PRMT1: variants seen among roughly 807,000 people sequenced by gnomAD.
PRMT1 encodes the protein protein arginine N-methyltransferase 1.
PRMT1 carries 5 observed loss-of-function variants against 47.4 expected under a neutral mutation model. The observed-to-expected ratio is 0.11, with a 90% CI of 0.06 to 0.22. The LOEUF (loss-of-function observed/expected upper bound fraction) is 0.22, where lower values mean the gene tolerates loss of function less well. Ranked by LOEUF, PRMT1 falls within the 10% of genes least tolerant of loss-of-function variation. The probability of loss-of-function intolerance (pLI) is 1.00; values close to 1 mark genes in which losing one functional copy is unlikely to be tolerated. For missense variants in PRMT1, 249 were observed against 518.4 expected (o/e 0.48, Z 5.05); for synonymous variants, 227 against 204.6 (o/e 1.11, Z -0.94).
In PRMT1 at chr19:49,685,806, G is replaced by A; in HGVS notation, c.760-287G>A. Reference sequence around the variant, plus strand: ...GTCAAGGGGTTGGGGAGACAGTGGAGTGGGGCGCCTGCATTCTAGGAGGTC... The same window carrying A: ...GTCAAGGGGTTGGGGAGACAGTGGAATGGGGCGCCTGCATTCTAGGAGGTC... On this transcript the variant is annotated intron_variant, in intron 8 of 10. Transcript: ENST00000454376. The surrounding 1 kb of genome is among the most constrained non-coding windows in gnomAD (Gnocchi z 4.7). The A allele has an allele frequency of 4.0e-6, 5 of 1,241,238 alleles. No homozygotes were observed. Among genetic ancestry groups the A allele is most frequent in the Non-Finnish European group, 5.1e-6 (5 of 986,154 alleles). The allele number at this position is 1,241,238 out of a possible 1,614,324, so 76.9% of individuals were successfully genotyped here.
intron 5 of PRMT1, chr19:49,683,703 A>T (rs1357348105): frequency 4.1e-6 from 2 of 487,144 alleles, no homozygotes; most frequent in Non-Finnish European, 7.3e-6. Context: ...AAAAAAAAAA[A>T]AAAAAGTAAC....
Position 49,685,201 on chromosome 19 carries a change from C to T in PRMT1, c.759+164C>T, listed in dbSNP as rs1047742874. On this transcript the variant is annotated intron_variant, in intron 8 of 10. Transcript: ENST00000454376. This position sits in a 1 kb window ranked among gnomAD's most constrained non-coding sequence, Gnocchi z 4.7. Reference sequence around the variant, plus strand: ...AGAGGCCCAGGAAAGACACTTCGTCCTTTAAATATCTTTGTGAGCGCTGCT... The same window carrying T: ...AGAGGCCCAGGAAAGACACTTCGTCTTTTAAATATCTTTGTGAGCGCTGCT... 3.2e-5 allele frequency: 49 copies of T among 1,533,090 alleles called. No homozygotes were observed. The highest frequency in any genetic ancestry group is 4.2e-5 in the Non-Finnish European group (48 of 1,144,320). The allele number at this position is 1,533,090 out of a possible 1,614,324, so 95.0% of individuals were successfully genotyped here. A position where few individuals can be genotyped will look rare whatever the true frequency, so the allele number is the denominator to read the frequency against.
rs71353323 is a variant in PRMT1, at chr19:49,688,250, C to T, written c.*5C>T. The T allele has an allele frequency of 2.1e-3, 3,357 of 1,613,490 alleles. 25 individuals carry two copies. The Middle Eastern group carries it at 0.034, about 16-fold the overall frequency. On this transcript the variant is annotated 3_prime_UTR_variant, in exon 11 of 11. Coordinates refer to ENST00000454376, the MANE Select transcript of PRMT1 (RefSeq NM_001536.6). This position sits in a 1 kb window ranked among gnomAD's most constrained non-coding sequence, Gnocchi z 5.3. Reference sequence around the variant, plus strand: ...ACCGACTACCGGATGCGCTGAGGCCCGGCTCTCCCGCCCTGCACGAGCCCA... The same window carrying T: ...ACCGACTACCGGATGCGCTGAGGCCTGGCTCTCCCGCCCTGCACGAGCCCA...
At chr19:49,687,389 C>T (rs2123018274) in intron 10 of PRMT1, among the ~76,000 whole-genome samples, 1 of 152,048 alleles carries the variant, frequency 6.6e-6, no homozygotes, top group Non-Finnish European at 1.5e-5. Context: ...AAAGTGGGTC[C>T]CGGCCGATGG....
chr19:49,678,880 C>A (rs754511232), intron 1 of PRMT1, among the ~76,000 whole-genome samples: 3 of 148,402 alleles, frequency 2.0e-5, no homozygotes, highest in Middle Eastern at 3.5e-3. Context: ...CTCCCCAAGC[C>A]ACTTTTTTTT....
chr19:49,677,613 G>C (rs1424666281), intron 1 of PRMT1: 1 of 323,614 alleles, frequency 3.1e-6, no homozygotes, highest in African/African-American at 2.1e-5. Context: ...TGGGGAGGGG[G>C]TGTGCCGAGT....
chr19:49,684,722 C>T lies in PRMT1; in HGVS notation c.556-32C>T, dbSNP rs369898479. The T allele has an allele frequency of 1.6e-5, 24 of 1,545,064 alleles. No individual in the cohort carries two copies. The highest frequency in any genetic ancestry group is 2.0e-5 in the Non-Finnish European group (23 of 1,143,200). ...GACTCAGGGTAGTGTTGCCAGGCCC[C>T]ACCCTTCATGCCTCGCCCTGCCCCT... On this transcript the variant is annotated intron_variant, in intron 6 of 10. Coordinates refer to ENST00000454376, the MANE Select transcript of PRMT1 (RefSeq NM_001536.6). This position sits in a 1 kb window ranked among gnomAD's most constrained non-coding sequence, Gnocchi z 6.2.
At position 49,681,063 on chromosome 19, in the gene PRMT1, AT is replaced by A. The variant is rs915477148; in HGVS notation, c.192+480del. Among the ~76,000 whole-genome samples, 29 of 152,256 alleles carry A rather than the reference AT, an allele frequency of 1.9e-4. No homozygotes were observed. Among genetic ancestry groups the A allele is most frequent in the African/African-American group, 6.5e-4 (27 of 41,560 alleles). ...AATATGCATAAAATTGCCATTTTTT[AT>A]TTTTAGAGACGGTCTCGCTCTGTCG... On this transcript the variant is annotated intron_variant, in intron 3 of 10. Coordinates refer to ENST00000454376, the MANE Select transcript of PRMT1 (RefSeq NM_001536.6). The surrounding 1 kb of genome is among the most constrained non-coding windows in gnomAD (Gnocchi z 4.4).
At chr19:49,683,786 A>T in intron 5 of PRMT1, 141 bp from the exon 6 acceptor site, 1 of 927,850 alleles carries the variant, frequency 1.1e-6, no homozygotes, top group Non-Finnish European at 1.6e-6. Flanking sequence ...TATGAATTTT[A>T]AAACTGTTAG....
chr19:49,684,860 C>T lies in PRMT1; in HGVS notation c.643+19C>T. ...ATCCACTGTGAGCGCGGCCCGGGAG[C>T]TGGCGGGCGGGGCCTCGGGTGGGCT... On this transcript the variant is annotated intron_variant, in intron 7 of 10. Coordinates refer to ENST00000454376, the MANE Select transcript of PRMT1 (RefSeq NM_001536.6). The surrounding 1 kb of genome is among the most constrained non-coding windows in gnomAD (Gnocchi z 6.2). 1 of 1,611,840 alleles carries T rather than the reference C, an allele frequency of 6.2e-7. No individual in the cohort carries two copies. Among genetic ancestry groups the T allele is most frequent in the Non-Finnish European group, 8.5e-7 (1 of 1,178,590 alleles).
rs1420779129 is a variant in PRMT1, at chr19:49,680,844, G to A, written c.192+256G>A. On this transcript the variant is annotated intron_variant, in intron 3 of 10. Coordinates refer to ENST00000454376, the MANE Select transcript of PRMT1 (RefSeq NM_001536.6). The surrounding 1 kb of genome is among the most constrained non-coding windows in gnomAD (Gnocchi z 4.2). The stretch of plus-strand genomic sequence containing the variant: ...ATGCGTGCCTGGGGCCTTAGCCAGA[G>A]GTCGGGCAGGGCCCACTGGTCTCTG... Among the ~76,000 whole-genome samples, 1 of 152,236 alleles carries A rather than the reference G, an allele frequency of 6.6e-6. No individual in the cohort carries two copies. The highest frequency in any genetic ancestry group is 1.5e-5 in the Non-Finnish European group (1 of 68,034).
chr19:49,680,155 C>T lies in PRMT1; in HGVS notation c.90+230C>T. Reference sequence around the variant, plus strand: ...CACCTCCAACCCCCCTTTGCCCTTCCCTGTGTCTGCCCCCATTTTCCTTCC... The same window carrying T: ...CACCTCCAACCCCCCTTTGCCCTTCTCTGTGTCTGCCCCCATTTTCCTTCC... On this transcript the variant is annotated intron_variant, in intron 2 of 10. Coordinates refer to ENST00000454376, the MANE Select transcript of PRMT1 (RefSeq NM_001536.6). This position sits in a 1 kb window ranked among gnomAD's most constrained non-coding sequence, Gnocchi z 4.2. The T allele has an allele frequency of 6.5e-7, 1 of 1,532,464 alleles. No individual in the cohort carries two copies. Among genetic ancestry groups the T allele is most frequent in the Non-Finnish European group, 8.9e-7 (1 of 1,122,486 alleles). The allele number at this position is 1,532,464 out of a possible 1,614,324, so 94.9% of individuals were successfully genotyped here.
chr19:49,677,927 G>T (rs895582606), intron 1 of PRMT1, among the ~76,000 whole-genome samples: 6 of 152,126 alleles, frequency 3.9e-5, no homozygotes, highest in African/African-American at 1.2e-4. Context: ...CCAAGAATGG[G>T]GTCCCCCGCC....
Position 49,688,083 on chromosome 19 carries a change from G to A in PRMT1, c.1033-79G>A, listed in dbSNP as rs1055810587. On this transcript the variant is annotated intron_variant, in intron 10 of 10. Coordinates refer to ENST00000454376, the MANE Select transcript of PRMT1 (RefSeq NM_001536.6). The surrounding 1 kb of genome is among the most constrained non-coding windows in gnomAD (Gnocchi z 5.3). The stretch of plus-strand genomic sequence containing the variant: ...GCAGGAAGCTGGAGCCCGGCTCATC[G>A]TCGCATAGCCTGCCTGCACCCGCCC... 20 of 1,261,260 alleles carry A rather than the reference G, an allele frequency of 1.6e-5. 1 individual carries two copies. The highest frequency in any genetic ancestry group is 5.0e-5 in the Admixed American group (3 of 59,450). 78.1% of individuals were successfully genotyped at this position (1,261,260 alleles called of 1,614,324 possible).
At position 49,678,874 on chromosome 19, in the gene PRMT1, C is replaced by T. The variant is rs147629426; in HGVS notation, c.37-998C>T. Among the ~76,000 whole-genome samples, 53 of 151,106 alleles carry T rather than the reference C, an allele frequency of 3.5e-4. No individual in the cohort carries two copies. The East Asian group carries it at 1.0e-2, about 28-fold the overall frequency. ...TGAATGGGGGCGATGGCCTGACTCC[C>T]CAAGCCACTTTTTTTTTTTTTTTTT... On this transcript the variant is annotated intron_variant, in intron 1 of 10. Coordinates refer to ENST00000454376, the MANE Select transcript of PRMT1 (RefSeq NM_001536.6).
rs1463712832 is a variant in PRMT1, at chr19:49,686,786, G to T, written c.1032+60G>T. 25 of 1,058,604 alleles carry T rather than the reference G, an allele frequency of 2.4e-5. No homozygotes were observed. The South Asian group carries it at 2.5e-4, about 10-fold the overall frequency. The allele number at this position is 1,058,604 out of a possible 1,614,324, so 65.6% of individuals were successfully genotyped here. On this transcript the variant is annotated intron_variant, in intron 10 of 10. Coordinates refer to ENST00000454376, the MANE Select transcript of PRMT1 (RefSeq NM_001536.6). ...GCTAGGGCGGGGAGTGTAGATTGGG[G>T]GGGGAGTGGTGGGGGAGGAATGGTG...
Position 49,685,368 on chromosome 19 carries a change from C to T in PRMT1, c.759+331C>T. The T allele has an allele frequency of 3.2e-6, 4 of 1,258,862 alleles. No homozygotes were observed. The highest frequency in any genetic ancestry group is 4.0e-6 in the Non-Finnish European group (4 of 988,822). The allele number at this position is 1,258,862 out of a possible 1,614,324, so 78.0% of individuals were successfully genotyped here. A position where few individuals can be genotyped will look rare whatever the true frequency, so the allele number is the denominator to read the frequency against. On this transcript the variant is annotated intron_variant, in intron 8 of 10. Transcript: ENST00000454376. This position sits in a 1 kb window ranked among gnomAD's most constrained non-coding sequence, Gnocchi z 4.7. ...ATGCACGCGGGCCACTGCAGAAGAGCACGGGGCCAGGCTGGGCTCCGAGAT... is the reference window on the plus strand; with the variant it reads ...ATGCACGCGGGCCACTGCAGAAGAGTACGGGGCCAGGCTGGGCTCCGAGAT...
Position 49,680,151 on chromosome 19 carries a change from C to G in PRMT1, c.90+226C>G. Reference sequence around the variant, plus strand: ...ACTCCACCTCCAACCCCCCTTTGCCCTTCCCTGTGTCTGCCCCCATTTTCC... The same window carrying G: ...ACTCCACCTCCAACCCCCCTTTGCCGTTCCCTGTGTCTGCCCCCATTTTCC... On this transcript the variant is annotated intron_variant, in intron 2 of 10. Coordinates refer to ENST00000454376, the MANE Select transcript of PRMT1 (RefSeq NM_001536.6). This position sits in a 1 kb window ranked among gnomAD's most constrained non-coding sequence, Gnocchi z 4.2. The G allele has an allele frequency of 1.3e-6, 2 of 1,516,910 alleles. No individual in the cohort carries two copies. The highest frequency in any genetic ancestry group is 1.8e-6 in the Non-Finnish European group (2 of 1,109,568). The allele number at this position is 1,516,910 out of a possible 1,614,324, so 94.0% of individuals were successfully genotyped here. A position where few individuals can be genotyped will look rare whatever the true frequency, so the allele number is the denominator to read the frequency against.
At chr19:49,686,488 C>G in intron 9 of PRMT1, 117 bp from the exon 10 acceptor site, 2 of 1,271,768 alleles carry the variant, frequency 1.6e-6, no homozygotes, top group Non-Finnish European at 2.1e-6. Flanking sequence ...AGGGAGGTGA[C>G]TCGCGGATAG....
Sources: allele counts gnomAD v4.1 joint callset (sites outside exome capture counted in the v4.1 genomes callset), GRCh38; gene constraint gnomAD v4.1.1; non-coding constraint Gnocchi (gnomAD v3.1); transcripts MANE v1.5; gene names NCBI Gene and HGNC (gene_info 2026-07-23, HGNC 2026-07-21).